CSMD1: variants seen among roughly 807,000 people sequenced by gnomAD.
CSMD1 encodes the protein CUB and Sushi multiple domains 1, also known as CUB and sushi domain-containing protein 1.
In CSMD1, 213 loss-of-function variants were observed where a neutral mutation model predicts 417.5. The observed-to-expected ratio is 0.51, with a 90% CI of 0.46 to 0.57. CSMD1 has a LOEUF of 0.57. Among genes scored for constraint, CSMD1 ranks in the 20% least tolerant of loss-of-function variants. CSMD1 has a pLI of 0.00. For synonymous variants in CSMD1, 2,862 were observed against 1,736.8 expected, an observed-to-expected ratio of 1.65 and a Z score of -16.11; for missense variants, 6,923 against 4,529.7, an observed-to-expected ratio of 1.53 and a Z score of -15.17.
intron 2 of CSMD1, among the ~76,000 whole-genome samples, chr8:4,459,436 G>A (rs985468500): frequency 6.6e-6 from 1 of 152,140 alleles, no homozygotes. Flanking sequence ...TGAAGCAGTG[G>A]CTCAGAGATT....
At chr8:4,070,652 C>G (rs112866541) in intron 3 of CSMD1, among the ~76,000 whole-genome samples, 1 of 152,066 alleles carries the variant, frequency 6.6e-6, no homozygotes, top group South Asian at 2.1e-4. Flanking sequence ...CCACCGTGCC[C>G]GGCCACCACC....
intron 2 of CSMD1, among the ~76,000 whole-genome samples, chr8:4,527,885 A>C (rs1318468031): frequency 6.6e-6 from 1 of 152,126 alleles, no homozygotes; most frequent in African/African-American, 2.4e-5. Flanking sequence ...ATCAGACTTA[A>C]CAGGGGAAGA....
At chr8:4,931,658 G>C (rs914547985) in intron 1 of CSMD1, among the ~76,000 whole-genome samples, 15 of 152,152 alleles carry the variant, frequency 9.9e-5, no homozygotes, top group Non-Finnish European at 1.5e-4. Context: ...AAAGGGATTA[G>C]ATACCTATTT....
At chr8:3,487,193 G>C (rs1433962445) in intron 11 of CSMD1, among the ~76,000 whole-genome samples, 1 of 78,000 alleles carries the variant, frequency 1.3e-5, no homozygotes, top group Non-Finnish European at 2.4e-5. Flanking sequence ...TGTATTATCA[G>C]CATACTTTTT....
chr8:3,942,651 T>G (rs902218041), intron 5 of CSMD1, among the ~76,000 whole-genome samples: 2 of 152,212 alleles, frequency 1.3e-5, no homozygotes, highest in Non-Finnish European at 2.9e-5. Context: ...CAGTTTATCT[T>G]TAAAAACTGT....
intron 2 of CSMD1, among the ~76,000 whole-genome samples, chr8:4,610,431 A>G: frequency 6.6e-6 from 1 of 152,196 alleles, no homozygotes; most frequent in East Asian, 1.9e-4. Context: ...TTAAGGATTT[A>G]TTTCCAAAGG....
intron 41 of CSMD1, among the ~76,000 whole-genome samples, chr8:3,138,383 G>T (rs928329915): frequency 6.6e-6 from 1 of 152,166 alleles, no homozygotes; most frequent in African/African-American, 2.4e-5. Context: ...GCTCTTCAGG[G>T]TTCCATCCCA....
intron 5 of CSMD1, among the ~76,000 whole-genome samples, chr8:3,813,240 T>C (rs1184613465): frequency 6.6e-6 from 1 of 152,068 alleles, no homozygotes; most frequent in Non-Finnish European, 1.5e-5. Context: ...AATTGTCCTG[T>C]CATCATTAAG....
intron 1 of CSMD1, among the ~76,000 whole-genome samples, chr8:4,877,895 T>C (rs186155218): frequency 3.0e-4 from 45 of 152,100 alleles, no homozygotes; most frequent in Middle Eastern, 3.4e-3. Context: ...AGGAACATCA[T>C]TGAGAAGGAA....
At chr8:3,258,661 A>T (rs547120712) in intron 26 of CSMD1, among the ~76,000 whole-genome samples, 4 of 152,218 alleles carry the variant, frequency 2.6e-5, no homozygotes, top group Non-Finnish European at 5.9e-5. Flanking sequence ...GTGCAGCACT[A>T]TTCACCACAG....
chr8:4,541,069 C>T (rs879924525), intron 2 of CSMD1, among the ~76,000 whole-genome samples: 2 of 152,182 alleles, frequency 1.3e-5, no homozygotes, highest in Admixed American at 6.5e-5. Context: ...ACTCTAAGGA[C>T]ATTTTTGTGT....
chr8:3,115,096 G>T (rs547684234), intron 42 of CSMD1, among the ~76,000 whole-genome samples: 125 of 151,042 alleles, frequency 8.3e-4, no homozygotes, highest in South Asian at 3.4e-3. Flanking sequence ...TTAAATTGTT[G>T]AACTATATTT....
At chr8:4,450,762 A>C in intron 2 of CSMD1, among the ~76,000 whole-genome samples, 1 of 152,346 alleles carries the variant, frequency 6.6e-6, no homozygotes, top group Non-Finnish European at 1.5e-5. Context: ...GTCTCTTCAC[A>C]AATTGAAAGC....
At chr8:3,077,259 G>C (rs1283465337) in intron 49 of CSMD1, among the ~76,000 whole-genome samples, 1 of 152,152 alleles carries the variant, frequency 6.6e-6, no homozygotes, top group Non-Finnish European at 1.5e-5. Flanking sequence ...GGAAATCAAA[G>C]TAAGAAATGC....
In CSMD1 at chr8:4,605,214, C is replaced by T. The variant is rs948915182; in HGVS notation, c.302+32128G>A. 2.6e-5 allele frequency among the ~76,000 whole-genome samples: 4 copies of T among 151,992 alleles called. No homozygotes were observed. The East Asian group carries it at 5.8e-4, about 22-fold the overall frequency. On this transcript the variant is annotated intron_variant, in intron 2 of 69. Transcript: ENST00000635120. ...GAAATTAAGACAGCAACCATGGACA[C>T]GTTAACTTTACAAATAAGGCAAATA...
rs115986125 is a variant in CSMD1 at position 4,691,040 on chromosome 8, C to A, written c.86-53482G>T. Among the ~76,000 whole-genome samples, 14 of 152,188 alleles carry A rather than the reference C, an allele frequency of 9.2e-5. No individual in the cohort carries two copies. The East Asian group carries it at 2.7e-3, about 29-fold the overall frequency. Reference sequence around the variant, plus strand: ...CCGTGACTGGCCAAAATTATTTTTACGCCGTGCTTTGAAACATGCACCTTT... The same window carrying A: ...CCGTGACTGGCCAAAATTATTTTTAAGCCGTGCTTTGAAACATGCACCTTT... On this transcript the variant is annotated intron_variant, in intron 1 of 69. Transcript: ENST00000635120.
At chr8:4,127,395 T>G (rs940335432) in intron 3 of CSMD1, among the ~76,000 whole-genome samples, 5 of 137,944 alleles carry the variant, frequency 3.6e-5, no homozygotes, top group Non-Finnish European at 6.1e-5. Flanking sequence ...AAATCTCCAA[T>G]CTGGAAAATC....
chr8:4,308,863 G>A (rs1437841751), intron 3 of CSMD1, among the ~76,000 whole-genome samples: 3 of 152,092 alleles, frequency 2.0e-5, no homozygotes, highest in Non-Finnish European at 2.9e-5. Flanking sequence ...GGCATGTAAT[G>A]ATTATATTAT....
Position 2,973,698 on chromosome 8 carries a change from C to T in CSMD1, c.8741-399G>A, listed in dbSNP as rs113572419. Among the ~76,000 whole-genome samples, 299 of 150,998 alleles carry T rather than the reference C, an allele frequency of 2.0e-3. 1 individual carries two copies. Among genetic ancestry groups the T allele is most frequent in the African/African-American group, 7.0e-3 (287 of 41,206 alleles). On this transcript the variant is annotated intron_variant, in intron 56 of 69. Coordinates refer to ENST00000635120, the MANE Select transcript of CSMD1 (RefSeq NM_033225.6). ...AAAAAAAGTCAAAGGAGAGGTTTAG[C>T]TCTTCAGAATTGTGTCCAGAGTTGC...
Sources: gnomAD v4.1 joint callset for allele counts (sites outside exome capture counted in the v4.1 genomes callset) on GRCh38, gnomAD v4.1.1 for gene constraint, MANE v1.5 for transcripts, NCBI Gene and HGNC (gene_info 2026-07-23, HGNC 2026-07-21) for gene names.